The following CNTNAP5 variants were observed in gnomAD, a reference collection of about 807,000 sequenced individuals.
CNTNAP5 encodes contactin-associated protein-like 5.
A neutral mutation model predicts 150.2 loss-of-function variants in CNTNAP5; 72 were observed. The observed-to-expected ratio is 0.48, with a 90% CI of 0.40 to 0.58. The LOEUF (loss-of-function observed/expected upper bound fraction) is 0.58. Among genes scored for constraint, CNTNAP5 ranks in the 20% least tolerant of loss-of-function variants. CNTNAP5 has a pLI of 0.00. For missense variants in CNTNAP5, 1,636 were observed against 1,626.2 expected, an observed-to-expected ratio of 1.01 and a Z score of -0.10; for synonymous variants, 672 against 619.8, an observed-to-expected ratio of 1.08 and a Z score of -1.25.
At chr2:124,730,074 C>G (rs1680239092) in intron 13 of CNTNAP5, among the ~76,000 whole-genome samples, 1 of 152,052 alleles carries the variant, frequency 6.6e-6, no homozygotes, top group Non-Finnish European at 1.5e-5. Context: ...TATTTCCAAT[C>G]ACTTAGCTTT....
At chr2:124,400,686 T>G (rs1408417898) in intron 3 of CNTNAP5, among the ~76,000 whole-genome samples, 25 of 77,038 alleles carry the variant, frequency 3.2e-4, no homozygotes, top group East Asian at 1.2e-3. Context: ...TTTTTTTTTT[T>G]TTGTTTTTTT....
intron 1 of CNTNAP5, among the ~76,000 whole-genome samples, chr2:124,142,021 CA>C (rs1273475478): frequency 6.8e-6 from 1 of 147,156 alleles, no homozygotes; most frequent in Non-Finnish European, 1.5e-5. Flanking sequence ...TTTAAACCAA[CA>C]AAGATCAAAA....
At chr2:124,803,017 AG>A (rs1466746843) in intron 19 of CNTNAP5, among the ~76,000 whole-genome samples, 2 of 151,772 alleles carry the variant, frequency 1.3e-5, no homozygotes, top group Admixed American at 1.3e-4. Flanking sequence ...CGGGAGGCTG[AG>A]GCAGGAGAAT....
chr2:124,192,442 T>C (rs560515265), intron 1 of CNTNAP5, among the ~76,000 whole-genome samples: 1 of 152,218 alleles, frequency 6.6e-6, no homozygotes, highest in African/African-American at 2.4e-5. Flanking sequence ...GGGGTTTCTT[T>C]CCATGCTCCC....
At chr2:124,286,099 C>G (rs1688143891) in intron 3 of CNTNAP5, among the ~76,000 whole-genome samples, 1 of 152,150 alleles carries the variant, frequency 6.6e-6, no homozygotes, top group Non-Finnish European at 1.5e-5. Context: ...GAACACTAAA[C>G]TAGGTATTTG....
intron 22 of CNTNAP5, among the ~76,000 whole-genome samples, chr2:124,904,188 T>C (rs1678480865): frequency 6.6e-6 from 1 of 152,116 alleles, no homozygotes; most frequent in Non-Finnish European, 1.5e-5. Flanking sequence ...TTCTATGAGT[T>C]TGACTTTTTT....
At chr2:124,560,995 C>T (rs184931179) in intron 10 of CNTNAP5, among the ~76,000 whole-genome samples, 44 of 152,064 alleles carry the variant, frequency 2.9e-4, no homozygotes, top group Middle Eastern at 6.8e-3. Flanking sequence ...AGAATAAGCA[C>T]CTATTGAGTG....
chr2:124,504,162 C>T, intron 7 of CNTNAP5, 130 bp from the exon 8 acceptor site: 3 of 920,002 alleles, frequency 3.3e-6, no homozygotes, highest in Non-Finnish European at 4.9e-6. Flanking sequence ...TTTTTTTCTT[C>T]TTTAAGATCT....
intron 18 of CNTNAP5, among the ~76,000 whole-genome samples, chr2:124,791,697 T>C (rs1368236928): frequency 3.4e-5 from 5 of 146,690 alleles, no homozygotes; most frequent in Admixed American, 1.3e-4. Flanking sequence ...TAATTTCTTT[T>C]TTTTTTTTTT....
chr2:124,443,924 T>G (rs965019116), intron 5 of CNTNAP5, among the ~76,000 whole-genome samples: 1 of 152,066 alleles, frequency 6.6e-6, no homozygotes, highest in Admixed American at 6.6e-5. Flanking sequence ...GTTCAATGCC[T>G]TTCTTATTTT....
At chr2:124,604,662 C>G (rs1297185908) in intron 11 of CNTNAP5, among the ~76,000 whole-genome samples, 1 of 152,146 alleles carries the variant, frequency 6.6e-6, no homozygotes, top group Non-Finnish European at 1.5e-5. Flanking sequence ...GATTAACCAC[C>G]TACAAGCTGG....
intron 1 of CNTNAP5, among the ~76,000 whole-genome samples, chr2:124,081,864 G>A (rs969289820): frequency 6.6e-6 from 1 of 152,148 alleles, no homozygotes; most frequent in African/African-American, 2.4e-5. Flanking sequence ...TCAACATCTT[G>A]CACTGTCCTG....
chr2:124,409,723 G>A (rs1691692645), intron 3 of CNTNAP5, among the ~76,000 whole-genome samples: 5 of 149,018 alleles, frequency 3.4e-5, no homozygotes, highest in Non-Finnish European at 7.5e-5. Flanking sequence ...AGCTCCTGAA[G>A]GAAGCGCTAA....
At chr2:124,843,980 C>A (rs1188062133) in intron 19 of CNTNAP5, among the ~76,000 whole-genome samples, 2 of 152,134 alleles carry the variant, frequency 1.3e-5, no homozygotes, top group South Asian at 2.1e-4. Context: ...CTGATTATTT[C>A]TTTTGCTCTG....
intron 1 of CNTNAP5, among the ~76,000 whole-genome samples, chr2:124,135,857 G>A (rs145043881): frequency 1.4e-3 from 218 of 152,292 alleles, no homozygotes; most frequent in African/African-American, 3.3e-3. Context: ...TATAAACTGC[G>A]TTTATTCCTT....
chr2:124,244,770 G>A (rs1485553208), intron 3 of CNTNAP5, among the ~76,000 whole-genome samples: 4 of 152,120 alleles, frequency 2.6e-5, no homozygotes, highest in African/African-American at 9.7e-5. Context: ...TTAATACTGG[G>A]ATAACTAACA....
intron 3 of CNTNAP5, among the ~76,000 whole-genome samples, chr2:124,415,565 C>T (rs755514824): frequency 9.9e-5 from 15 of 152,242 alleles, no homozygotes; most frequent in Middle Eastern, 3.4e-3. Context: ...TGGTCATCTG[C>T]GAAAGCAATG....
intron 7 of CNTNAP5, among the ~76,000 whole-genome samples, chr2:124,496,080 G>T (rs1045390578): frequency 2.6e-5 from 4 of 152,062 alleles, no homozygotes; most frequent in African/African-American, 4.8e-5. Context: ...CACTGTATCC[G>T]TAGTCATGAG....
intron 13 of CNTNAP5, among the ~76,000 whole-genome samples, chr2:124,733,252 G>A (rs1348425184): frequency 1.3e-5 from 2 of 152,080 alleles, no homozygotes; most frequent in South Asian, 2.1e-4. Context: ...TCTTGATATT[G>A]TATAAAGAAA....
Sources: allele counts gnomAD v4.1 joint callset (sites outside exome capture counted in the v4.1 genomes callset), GRCh38; gene constraint gnomAD v4.1.1; transcripts MANE v1.5; gene names NCBI Gene and HGNC (gene_info 2026-07-23, HGNC 2026-07-21).